Variants in PIN4 observed in about 807,000 individuals in gnomAD.
The protein encoded by PIN4 is peptidyl-prolyl cis-trans isomerase NIMA-interacting 4.
In PIN4, 3 loss-of-function variants were observed where a neutral mutation model predicts 8.3. The observed-to-expected ratio is 0.36, with a 90% CI of 0.16 to 0.93. The LOEUF (loss-of-function observed/expected upper bound fraction) is 0.93, where lower values mean the gene tolerates loss of function less well. PIN4 is among the 40% of genes least tolerant of loss of function. PIN4 has a pLI of 0.44. For synonymous variants in PIN4, 18 were observed against 32.5 expected (o/e 0.55, Z 1.52); for missense variants, 75 against 100.6 (o/e 0.75, Z 1.09).
chrX:72,216,503 G>GAA, intron 3 of PIN4, among the ~76,000 whole-genome samples: 1 of 111,591 alleles, frequency 9.0e-6, no homozygotes, highest in East Asian at 2.8e-4. Context: ...CATTCACAAC[G>GAA]TGTAATCATC....
At chrX:72,215,480 T>G (rs2042882716) in intron 3 of PIN4, among the ~76,000 whole-genome samples, 1 of 111,999 alleles carries the variant, frequency 8.9e-6, no homozygotes, top group African/African-American at 3.2e-5. Context: ...CAATTTACTT[T>G]GAAATGTATC....
intron 3 of PIN4, chrX:72,204,862 T>C: frequency 2.5e-6 from 1 of 396,743 alleles, no homozygotes; most frequent in South Asian, 6.0e-5. Context: ...TACCAGACTA[T>C]GGAGTGGGGG....
At chrX:72,252,973 G>T (rs1300714404) in intron 3 of PIN4, among the ~76,000 whole-genome samples, 1 of 110,804 alleles carries the variant, frequency 9.0e-6, no homozygotes, top group Non-Finnish European at 1.9e-5. Context: ...ACCTCTCACT[G>T]GAGTCCCAGA....
chrX:72,205,879 T>C (rs368349813), intron 3 of PIN4: 18 of 1,210,081 alleles, frequency 1.5e-5, no homozygotes, highest in Non-Finnish European at 2.0e-5. Context: ...ATTTTGTCTG[T>C]TGTCTGCTGA....
intron 2 of PIN4, among the ~76,000 whole-genome samples, chrX:72,195,833 G>A (rs1278265464): frequency 9.0e-6 from 1 of 111,087 alleles, no homozygotes; most frequent in Non-Finnish European, 1.9e-5. Context: ...ACATGCGTAA[G>A]TTCAGCCAGG....
At chrX:72,222,847 C>T (rs932657711) in intron 3 of PIN4, among the ~76,000 whole-genome samples, 7 of 106,510 alleles carry the variant, frequency 6.6e-5, no homozygotes, top group South Asian at 4.3e-4. Context: ...CCACCCGCCT[C>T]GGCCTCCCAA....
chrX:72,239,290 G>A (rs1303418766), intron 3 of PIN4, among the ~76,000 whole-genome samples: 2 of 112,670 alleles, frequency 1.8e-5, no homozygotes, highest in Non-Finnish European at 3.8e-5. Context: ...ATTGTGAGTG[G>A]AGGAGACTGC....
At chrX:72,231,737 A>G (rs1000307391) in intron 3 of PIN4, among the ~76,000 whole-genome samples, 2 of 111,151 alleles carry the variant, frequency 1.8e-5, no homozygotes, top group South Asian at 7.6e-4. Flanking sequence ...TATTTTTAGT[A>G]GAGACAGAGT....
At chrX:72,194,080 T>C (rs1035434625) in intron 2 of PIN4, among the ~76,000 whole-genome samples, 4 of 111,862 alleles carry the variant, frequency 3.6e-5, no homozygotes, top group Non-Finnish European at 7.5e-5. Flanking sequence ...TTATAAATTG[T>C]AGCTTACATG....
At chrX:72,259,214 A>C (rs2043126896) in intron 3 of PIN4, among the ~76,000 whole-genome samples, 1 of 98,357 alleles carries the variant, frequency 1.0e-5, no homozygotes, top group Admixed American at 1.1e-4. Flanking sequence ...AGAGTTTACT[A>C]CTTTTTTTTT....
intron 3 of PIN4, among the ~76,000 whole-genome samples, chrX:72,221,618 T>G (rs766416787): frequency 9.0e-6 from 1 of 111,619 alleles, no homozygotes; most frequent in Non-Finnish European, 1.9e-5. Context: ...TTTAGTCTTT[T>G]ATTGCAACAT....
In PIN4 at chrX:72,204,941, A is replaced by G. The variant is rs766250394; in HGVS notation, c.312+8037A>G. The G allele has an allele frequency of 1.5e-4, 143 of 965,609 alleles. 2 individuals are homozygous for G. Among genetic ancestry groups the G allele is most frequent in the Non-Finnish European group, 2.5e-5 (18 of 717,925 alleles). The allele number at this position is 965,609 out of a possible 1,213,427, so 79.6% of individuals were successfully genotyped here. A position where few individuals can be genotyped will look rare whatever the true frequency, so the allele number is the denominator to read the frequency against. ...AAGCCTGAATGCTTCATGTTCCCAA[A>G]GAATCCAATTATGGGAACAAAAATT... On this transcript the variant is annotated intron_variant, in intron 3 of 3. Transcript: ENST00000423432.
intron 3 of PIN4, among the ~76,000 whole-genome samples, chrX:72,260,676 G>C (rs772234217): frequency 1.8e-5 from 2 of 111,596 alleles, no homozygotes; most frequent in African/African-American, 3.3e-5. Flanking sequence ...GTCTCTCCCC[G>C]GACCTCTTCC....
chrX:72,246,076 T>C (rs1037959532), intron 3 of PIN4, among the ~76,000 whole-genome samples: 4 of 111,089 alleles, frequency 3.6e-5, no homozygotes, highest in Non-Finnish European at 7.5e-5. Context: ...CTATAGGACA[T>C]GTCACCCCGG....
intron 3 of PIN4, chrX:72,205,029 TTGC>T: frequency 8.4e-7 from 1 of 1,192,999 alleles, no homozygotes; most frequent in Non-Finnish European, 1.1e-6. Context: ...TGTTATTAAG[TTGC>T]TTATACAAAC....
At chrX:72,217,921 T>C (rs191359261) in intron 3 of PIN4, among the ~76,000 whole-genome samples, 181 of 111,816 alleles carry the variant, frequency 1.6e-3, no homozygotes, top group Middle Eastern at 4.6e-3. Context: ...TCGTAAGTTT[T>C]GAATTTGGGA....
At chrX:72,227,341 G>A (rs936380339) in intron 3 of PIN4, among the ~76,000 whole-genome samples, 6 of 111,413 alleles carry the variant, frequency 5.4e-5, no homozygotes, top group African/African-American at 1.3e-4. Flanking sequence ...ATCCTCTATC[G>A]ACCTCAATCT....
intron 3 of PIN4, chrX:72,205,525 C>T: frequency 8.3e-7 from 1 of 1,211,560 alleles, no homozygotes; most frequent in Non-Finnish European, 1.1e-6. Flanking sequence ...ATTTACACTA[C>T]TGGGTATTTG....
At chrX:72,207,475 G>C (rs1261100793) in intron 3 of PIN4, 1 of 1,208,502 alleles carries the variant, frequency 8.3e-7, no homozygotes, top group African/African-American at 1.8e-5. Flanking sequence ...ATCTTGAGCA[G>C]AGAATGTCCC....
Sources: allele counts gnomAD v4.1 joint callset (sites outside exome capture counted in the v4.1 genomes callset), GRCh38; gene constraint gnomAD v4.1.1; transcripts MANE v1.5; gene names NCBI Gene and HGNC (gene_info 2026-07-23, HGNC 2026-07-21).